The following VRK2 variants were observed in gnomAD, a reference collection of about 807,000 sequenced individuals.
The protein encoded by VRK2 is serine/threonine-protein kinase VRK2.
VRK2 carries 60 observed loss-of-function variants against 57.6 expected under a neutral mutation model. That is an observed-to-expected ratio of 1.04 (90% CI 0.85 to 1.29). The LOEUF is 1.29. Among genes scored for constraint, VRK2 ranks in the 50% most tolerant of loss-of-function variants. The probability of loss-of-function intolerance (pLI) is 0.00; values close to 1 mark genes in which losing one functional copy is unlikely to be tolerated. For synonymous variants in VRK2, 231 were observed against 199.2 expected, an observed-to-expected ratio of 1.16 and a Z score of -1.35; for missense variants, 705 against 588.1, an observed-to-expected ratio of 1.20 and a Z score of -2.06.
intron 1 of VRK2, among the ~76,000 whole-genome samples, chr2:57,977,111 T>A (rs1355144874): frequency 3.3e-5 from 5 of 152,174 alleles, no homozygotes; most frequent in Non-Finnish European, 7.4e-5. Flanking sequence ...TTTTGGTTAC[T>A]GTAGTCTTGT....
chr2:58,146,636 G>A (rs562663165), intron 12 of VRK2, among the ~76,000 whole-genome samples, 162 bp downstream of exon 12: 2 of 152,066 alleles, frequency 1.3e-5, no homozygotes, highest in East Asian at 1.9e-4. Flanking sequence ...AAATTAAAGC[G>A]GCCAGCACCA....
chr2:58,076,343 C>G (rs948632021), intron 2 of VRK2, among the ~76,000 whole-genome samples: 1 of 152,044 alleles, frequency 6.6e-6, no homozygotes, highest in East Asian at 1.9e-4. Context: ...CTTTTATTAG[C>G]CTACAATTGG....
intron 2 of VRK2, among the ~76,000 whole-genome samples, chr2:58,062,571 C>T (rs182317816): frequency 5.9e-5 from 9 of 152,120 alleles, no homozygotes; most frequent in Non-Finnish European, 1.5e-5. Context: ...TAAAGTGAAG[C>T]AGCCTTACTG....
intron 7 of VRK2, 93 bp from the exon 8 acceptor site, chr2:58,123,008 G>A (rs1448138109): frequency 2.7e-6 from 4 of 1,472,888 alleles, no homozygotes; most frequent in Non-Finnish European, 3.6e-6. Flanking sequence ...ATCTGAGGCT[G>A]TTCTTAACCT....
chr2:57,917,147 T>C (rs1670184559), intron 1 of VRK2, among the ~76,000 whole-genome samples: 1 of 152,158 alleles, frequency 6.6e-6, no homozygotes, highest in Non-Finnish European at 1.5e-5. Flanking sequence ...TAATAATCCA[T>C]GTATCTAGCT....
chr2:58,057,291 T>C (rs1384089497), intron 2 of VRK2, among the ~76,000 whole-genome samples: 1 of 152,198 alleles, frequency 6.6e-6, no homozygotes, highest in African/African-American at 2.4e-5. Context: ...GGCACTGTAC[T>C]TTCAGATTTA....
intron 1 of VRK2, among the ~76,000 whole-genome samples, chr2:58,021,068 G>C (rs938472897): frequency 1.3e-5 from 2 of 152,122 alleles, no homozygotes; most frequent in African/African-American, 2.4e-5. Context: ...CCAGACTTTT[G>C]TAATACTGAT....
rs1020511694 is a variant in VRK2 at position 57,944,600 on chromosome 2, G to A, written c.-439+36761G>A. Among the ~76,000 whole-genome samples the A allele has an allele frequency of 9.7e-4, 147 of 152,306 alleles. 1 individual carries two copies. Among genetic ancestry groups the A allele is most frequent in the Non-Finnish European group, 2.5e-4 (17 of 68,024 alleles). On this transcript the variant is annotated intron_variant, in intron 1 of 15. Coordinates refer to the VRK2 transcript ENST00000417641. ...AAATACAAAAAATTGGTCAGGCGTG[G>A]TGGCGGGCGCCTGTAATCCCAGCTA...
intron 7 of VRK2, among the ~76,000 whole-genome samples, chr2:58,120,179 C>CTTTTTTTTTTTTTTTTTTTTTTTTTTT (rs1677207512): frequency 1.1e-5 from 1 of 93,360 alleles, no homozygotes; most frequent in African/African-American, 4.6e-5. Flanking sequence ...ATTTTTTTTT[C>CTTTTTTTTTTTTTTTTTTTTTTTTTTT]TTTTCTTTTT....
chr2:58,125,476 A>C (rs2104505514), intron 8 of VRK2, among the ~76,000 whole-genome samples: 1 of 152,204 alleles, frequency 6.6e-6, no homozygotes, highest in East Asian at 1.9e-4. Context: ...GACTGAACTG[A>C]GAATGATCAC....
chr2:58,092,505 A>G (rs1672518765), intron 7 of VRK2, among the ~76,000 whole-genome samples: 1 of 152,198 alleles, frequency 6.6e-6, no homozygotes, highest in Non-Finnish European at 1.5e-5. Flanking sequence ...TTGTGGAGAC[A>G]TATGTTTCAC....
chr2:58,153,608 A>C (rs2104701598), intron 12 of VRK2, among the ~76,000 whole-genome samples: 1 of 152,160 alleles, frequency 6.6e-6, no homozygotes, highest in South Asian at 2.1e-4. Flanking sequence ...TGCTGGATTT[A>C]ATTTGCTAGT....
intron 8 of VRK2, among the ~76,000 whole-genome samples, chr2:58,123,517 T>TG (rs1232024936): frequency 3.3e-5 from 5 of 152,110 alleles, no homozygotes; most frequent in African/African-American, 1.2e-4. Flanking sequence ...AGGTAAAACT[T>TG]GGAGGTCAGC....
At chr2:58,087,981 G>C (rs966746601) in intron 5 of VRK2, among the ~76,000 whole-genome samples, 4 of 151,766 alleles carry the variant, frequency 2.6e-5, no homozygotes, top group Non-Finnish European at 5.9e-5. Flanking sequence ...GCGGGACTCT[G>C]TCTCAAAAAA....
intron 7 of VRK2, among the ~76,000 whole-genome samples, chr2:58,120,741 C>T (rs538079128): frequency 2.0e-5 from 3 of 152,292 alleles, no homozygotes; most frequent in Admixed American, 6.5e-5. Context: ...TTCTATCAGC[C>T]ACCTGCCAGT....
At chr2:58,105,304 C>T (rs1674570034) in intron 7 of VRK2, among the ~76,000 whole-genome samples, 1 of 151,480 alleles carries the variant, frequency 6.6e-6, no homozygotes, top group Non-Finnish European at 1.5e-5. Context: ...GCAAACAATG[C>T]ATATGACAAA....
At chr2:57,993,553 C>T (rs1672836429) in intron 1 of VRK2, among the ~76,000 whole-genome samples, 1 of 151,916 alleles carries the variant, frequency 6.6e-6, no homozygotes, top group African/African-American at 2.4e-5. Context: ...TGCACATGAG[C>T]CATTGGCTTT....
intron 1 of VRK2, among the ~76,000 whole-genome samples, chr2:57,984,702 T>C (rs1445975854): frequency 2.0e-5 from 3 of 152,112 alleles, no homozygotes; most frequent in Non-Finnish European, 4.4e-5. Context: ...ATTGTCCTTG[T>C]AGTTCCAGTC....
chr2:58,108,432 A>G (rs1463446908), intron 7 of VRK2, among the ~76,000 whole-genome samples: 1 of 152,024 alleles, frequency 6.6e-6, no homozygotes, highest in Non-Finnish European at 1.5e-5. Flanking sequence ...CGTGACATCT[A>G]TTTGCTTACA....
Sources: gnomAD v4.1 joint callset for allele counts (sites outside exome capture counted in the v4.1 genomes callset) on GRCh38, gnomAD v4.1.1 for gene constraint, MANE v1.5 for transcripts, NCBI Gene and HGNC (gene_info 2026-07-23, HGNC 2026-07-21) for gene names.